Variants in RBFOX3 observed in about 807,000 individuals in gnomAD.
RBFOX3 encodes the protein RNA binding protein fox-1 homolog 3.
Under a neutral mutation model 48.7 loss-of-function variants are expected in RBFOX3, and 17 were observed. That is an observed-to-expected ratio of 0.35 (90% CI 0.24 to 0.52). RBFOX3 has a LOEUF of 0.52. Among genes scored for constraint, RBFOX3 ranks in the 20% least tolerant of loss-of-function variants. The pLI, the probability that RBFOX3 is intolerant of heterozygous loss-of-function variation, is 0.94. For synonymous variants in RBFOX3, 212 were observed against 209.5 expected, an observed-to-expected ratio of 1.01 and a Z score of -0.10; for missense variants, 382 against 497.5, an observed-to-expected ratio of 0.77 and a Z score of 2.21.
rs879740762 is a variant in RBFOX3, at chr17:79,318,446, CT to C, written c.-174-10623del. 5.3e-4 allele frequency among the ~76,000 whole-genome samples: 80 copies of C among 152,326 alleles called. 1 individual carries two copies. Among genetic ancestry groups the C allele is most frequent in the South Asian group, 3.5e-3 (17 of 4,820 alleles). ...CACCCCTTACACCATATGGCTCCCC[CT>C]CTCAGCAATGCAGTTGAGCAACGGT... is the stretch of plus-strand genomic sequence containing the variant. On this transcript the variant is annotated intron_variant, in intron 2 of 14. Coordinates refer to ENST00000693108, the MANE Select transcript of RBFOX3 (RefSeq NM_001350451.2).
intron 1 of RBFOX3, among the ~76,000 whole-genome samples, chr17:79,590,690 G>A (rs1366019046): frequency 1.3e-5 from 2 of 152,168 alleles, no homozygotes; most frequent in Admixed American, 1.3e-4. Context: ...GGCACCGAAA[G>A]TGGAGCAAGA....
chr17:79,136,836 G>A (rs1431321108), intron 4 of RBFOX3, among the ~76,000 whole-genome samples: 2 of 152,186 alleles, frequency 1.3e-5, no homozygotes, highest in African/African-American at 4.8e-5. Context: ...CCTGGCCTGT[G>A]ACAGCCACTT....
intron 1 of RBFOX3, among the ~76,000 whole-genome samples, chr17:79,602,500 G>A (rs1054297801): frequency 5.9e-5 from 9 of 152,160 alleles, no homozygotes; most frequent in Non-Finnish European, 7.4e-5. Context: ...CAGGATGGCC[G>A]GTGAACCACA....
the RBFOX3 span, among the ~76,000 whole-genome samples, chr17:79,662,205 C>T: frequency 6.5e-5 from 9 of 137,620 alleles, no homozygotes; most frequent in Middle Eastern, 4.3e-3. Context: ...TCACTGCAAG[C>T]TCTGCCTCCT....
chr17:79,456,357 G>T (rs1357820140), intron 2 of RBFOX3, among the ~76,000 whole-genome samples: 1 of 152,000 alleles, frequency 6.6e-6, no homozygotes, highest in Non-Finnish European at 1.5e-5. Flanking sequence ...CTTCTTGGTG[G>T]GAGCATCCCG....
rs576840856 is a variant in RBFOX3 at position 79,146,084 on chromosome 17, A to G, written c.-33-30336T>C. On this transcript the variant is annotated intron_variant, in intron 4 of 14. Coordinates refer to ENST00000693108, the MANE Select transcript of RBFOX3 (RefSeq NM_001350451.2). ...CTAATGCCGCTGCTGATCTGACAGG[A>G]GGTGGAGCTCAGGTGGTCACGGCAG... 2.6e-4 allele frequency among the ~76,000 whole-genome samples: 39 copies of G among 152,268 alleles called. 1 individual carries two copies. The South Asian group carries it at 8.1e-3, about 32-fold the overall frequency.
intron 2 of RBFOX3, among the ~76,000 whole-genome samples, chr17:79,347,151 C>T (rs1385183552): frequency 6.6e-6 from 1 of 152,164 alleles, no homozygotes; most frequent in Non-Finnish European, 1.5e-5. Flanking sequence ...TTCTTTTATT[C>T]TGTGCTTTGA....
At chr17:79,121,719 A>G (rs997393422) in intron 4 of RBFOX3, among the ~76,000 whole-genome samples, 2 of 152,088 alleles carry the variant, frequency 1.3e-5, no homozygotes, top group African/African-American at 4.8e-5. Flanking sequence ...TGGAAGCTTC[A>G]TCTGCATTGC....
chr17:79,339,049 C>T (rs2081625044), intron 2 of RBFOX3, among the ~76,000 whole-genome samples: 1 of 142,844 alleles, frequency 7.0e-6, no homozygotes, highest in South Asian at 2.4e-4. Flanking sequence ...CAGGTGATTG[C>T]TTTCTTTTCT....
intron 2 of RBFOX3, among the ~76,000 whole-genome samples, chr17:79,359,874 C>G (rs1050586398): frequency 1.3e-5 from 2 of 151,996 alleles, no homozygotes; most frequent in Non-Finnish European, 2.9e-5. Flanking sequence ...TACAGGTGCA[C>G]GCCACCATGC....
At chr17:79,147,289 G>A (rs920870006) in intron 4 of RBFOX3, among the ~76,000 whole-genome samples, 5 of 152,244 alleles carry the variant, frequency 3.3e-5, no homozygotes, top group Non-Finnish European at 7.3e-5. Context: ...GCAGGTGGCC[G>A]GGAGGACAGC....
rs568911726 is a variant in RBFOX3, at chr17:79,154,975, C to T, written c.-33-39227G>A. On this transcript the variant is annotated intron_variant, in intron 4 of 14. Transcript: ENST00000693108. ...AGCCCTCGTCAGGTGGCGCTGGCAG[C>T]CCAGCCTCGGCGTCTGAGGAAGGGG... is the stretch of plus-strand genomic sequence containing the variant. Among the ~76,000 whole-genome samples, 1,483 of 152,294 alleles carry T rather than the reference C, an allele frequency of 9.7e-3. 8 individuals carry two copies. Among genetic ancestry groups the T allele is most frequent in the South Asian group, 0.019 (94 of 4,824 alleles).
intron 4 of RBFOX3, among the ~76,000 whole-genome samples, chr17:79,148,281 C>T (rs1263867306): frequency 6.6e-6 from 1 of 152,244 alleles, no homozygotes. Flanking sequence ...AGGTCCCTTC[C>T]CAAGCCTCTC....
In RBFOX3 at chr17:79,471,669, C is replaced by T. The variant is rs559563596; in HGVS notation, c.-175+10785G>A. ...TAAAAGACAGTCATCACCCAAAGTGCTTTTTATAACAAGAAAGGACTCTGA... is the reference window on the plus strand; with the variant it reads ...TAAAAGACAGTCATCACCCAAAGTGTTTTTTATAACAAGAAAGGACTCTGA... On this transcript the variant is annotated intron_variant, in intron 2 of 14. Transcript: ENST00000693108. The surrounding 1 kb of genome is among the most constrained non-coding windows in gnomAD (Gnocchi z 4.0). 3.0e-4 allele frequency among the ~76,000 whole-genome samples: 46 copies of T among 152,314 alleles called. No individual in the cohort carries two copies. The highest frequency in any genetic ancestry group is 1.1e-3 in the African/African-American group (44 of 41,560).
intron 4 of RBFOX3, among the ~76,000 whole-genome samples, chr17:79,155,132 T>C (rs1161678607): frequency 6.6e-6 from 1 of 152,208 alleles, no homozygotes; most frequent in African/African-American, 2.4e-5. Flanking sequence ...CCCGCCTAAG[T>C]ACTATGTTGA....
the RBFOX3 span, among the ~76,000 whole-genome samples, chr17:79,654,211 G>C: frequency 1.6e-4 from 25 of 152,306 alleles, no homozygotes; most frequent in East Asian, 4.8e-3. Context: ...CGGAGAGGCT[G>C]TGTTTACCCC....
chr17:79,464,274 G>T (rs1385262900), intron 2 of RBFOX3, among the ~76,000 whole-genome samples: 1 of 152,228 alleles, frequency 6.6e-6, no homozygotes, highest in African/African-American at 2.4e-5. Flanking sequence ...TTCTTCCAAC[G>T]GACAGAGAAA....
intron 2 of RBFOX3, among the ~76,000 whole-genome samples, chr17:79,343,718 C>T (rs920801721): frequency 6.6e-6 from 1 of 152,158 alleles, no homozygotes; most frequent in Non-Finnish European, 1.5e-5. Context: ...TATGTACTGT[C>T]AGCCAGGCAG....
intron 2 of RBFOX3, among the ~76,000 whole-genome samples, chr17:79,314,239 G>C (rs141055595): frequency 6.6e-6 from 1 of 152,208 alleles, no homozygotes; most frequent in African/African-American, 2.4e-5. Context: ...AGGAGCTGGG[G>C]TAACCATGGC....
Sources: allele counts gnomAD v4.1 joint callset (sites outside exome capture counted in the v4.1 genomes callset), GRCh38; gene constraint gnomAD v4.1.1; non-coding constraint Gnocchi (gnomAD v3.1); transcripts MANE v1.5; gene names NCBI Gene and HGNC (gene_info 2026-07-23, HGNC 2026-07-21).